Variants in ROBO2 observed in about 807,000 individuals in gnomAD.
The protein encoded by ROBO2 is roundabout guidance receptor 2, also known as roundabout homolog 2.
In ROBO2, 53 loss-of-function variants were observed where a neutral mutation model predicts 160.8. The ratio of observed to expected loss-of-function variants is 0.33; its 90% CI spans 0.26 to 0.41. The LOEUF (loss-of-function observed/expected upper bound fraction) is 0.41, where lower values mean the gene tolerates loss of function less well. Among genes scored for constraint, ROBO2 ranks in the 10% least tolerant of loss-of-function variants. The pLI is 1.00. For missense variants in ROBO2, 1,577 were observed against 1,722.4 expected, an observed-to-expected ratio of 0.92 and a Z score of 1.49; for synonymous variants, 664 against 611.7, an observed-to-expected ratio of 1.09 and a Z score of -1.26.
At chr3:77,139,123 G>A (rs1048041634) in intron 2 of ROBO2, among the ~76,000 whole-genome samples, 1 of 152,072 alleles carries the variant, frequency 6.6e-6, no homozygotes, top group Non-Finnish European at 1.5e-5. Flanking sequence ...AACAAAAACA[G>A]CAATAGAGGA....
chr3:76,078,703 A>G (rs1045609567), intron 2 of ROBO2, among the ~76,000 whole-genome samples: 5 of 151,274 alleles, frequency 3.3e-5, no homozygotes, highest in East Asian at 3.9e-4. Context: ...CAAATTGTTC[A>G]ATATCTTAAC....
At chr3:77,379,017 G>T (rs1214231891) in intron 2 of ROBO2, among the ~76,000 whole-genome samples, 1 of 151,186 alleles carries the variant, frequency 6.6e-6, no homozygotes, top group African/African-American at 2.4e-5. Flanking sequence ...GCGTGATCTC[G>T]GCTCGCTGCA....
chr3:77,401,122 G>T (rs1196873993), intron 2 of ROBO2, among the ~76,000 whole-genome samples: 1 of 152,052 alleles, frequency 6.6e-6, no homozygotes, highest in African/African-American at 2.4e-5. Flanking sequence ...AATCTGTCAA[G>T]AAATGTCATG....
chr3:77,416,500 C>CG (rs2077233109), intron 2 of ROBO2, among the ~76,000 whole-genome samples: 14 of 151,950 alleles, frequency 9.2e-5, no homozygotes, highest in Admixed American at 8.5e-4. Context: ...GGGTGGATCA[C>CG]AGGGTCATGA....
At chr3:77,123,824 C>G (rs965400231) in intron 2 of ROBO2, among the ~76,000 whole-genome samples, 2 of 148,068 alleles carry the variant, frequency 1.4e-5, no homozygotes, top group Non-Finnish European at 3.0e-5. Flanking sequence ...ATACACATAT[C>G]TATATACATA....
At chr3:77,430,465 T>G in intron 2 of ROBO2, among the ~76,000 whole-genome samples, 1 of 152,082 alleles carries the variant, frequency 6.6e-6, no homozygotes, top group East Asian at 1.9e-4. Flanking sequence ...TTAAAAATTT[T>G]ATTGATAGGA....
intron 2 of ROBO2, among the ~76,000 whole-genome samples, chr3:76,048,554 A>G (rs1175480227): frequency 2.0e-5 from 3 of 152,240 alleles, no homozygotes; most frequent in Non-Finnish European, 4.4e-5. Context: ...GATAATTTAT[A>G]CATGGGAATA....
chr3:77,445,187 G>A (rs1582000930), intron 2 of ROBO2, among the ~76,000 whole-genome samples: 1 of 152,066 alleles, frequency 6.6e-6, no homozygotes, highest in Non-Finnish European at 1.5e-5. Context: ...TGGGCACCTG[G>A]CCCACAGCAT....
chr3:77,181,168 A>T (rs915171355), intron 2 of ROBO2, among the ~76,000 whole-genome samples: 1 of 152,080 alleles, frequency 6.6e-6, no homozygotes, highest in Non-Finnish European at 1.5e-5. Flanking sequence ...GAAAATGCCC[A>T]AGGTAGACTG....
intron 5 of ROBO2, among the ~76,000 whole-genome samples, chr3:77,516,964 G>A (rs1180180533): frequency 6.6e-6 from 1 of 151,510 alleles, no homozygotes; most frequent in African/African-American, 2.4e-5. Flanking sequence ...CAATATCTCA[G>A]GCACTGTTTG....
intron 4 of ROBO2, among the ~76,000 whole-genome samples, chr3:77,491,380 T>C (rs963148958): frequency 6.6e-6 from 1 of 152,106 alleles, no homozygotes; most frequent in African/African-American, 2.4e-5. Context: ...TAACATTGGG[T>C]TAATGTAGTT....
At position 76,613,673 on chromosome 3, in the gene ROBO2, G is replaced by T. The variant is rs879466551; in HGVS notation, c.110-484341G>T. Among the ~76,000 whole-genome samples the T allele has an allele frequency of 2.3e-4, 35 of 151,988 alleles. 1 individual carries two copies. The highest frequency in any genetic ancestry group is 2.3e-3 in the Admixed American group (35 of 15,242). ...AGTTAGAGTACAATATGTATTTGTAGAAAGGAGAGGGGCGTGAGTTAAAGA... is the reference window on the plus strand; with the variant it reads ...AGTTAGAGTACAATATGTATTTGTATAAAGGAGAGGGGCGTGAGTTAAAGA... On this transcript the variant is annotated intron_variant, in intron 2 of 26. Transcript: ENST00000487694.
chr3:76,211,710 G>A (rs772042748), intron 2 of ROBO2, among the ~76,000 whole-genome samples: 7 of 151,988 alleles, frequency 4.6e-5, no homozygotes, highest in Admixed American at 1.3e-4. Context: ...TTCCTGAAGT[G>A]TATACATTTT....
intron 15 of ROBO2, among the ~76,000 whole-genome samples, chr3:77,577,918 A>G (rs2093810763): frequency 6.6e-6 from 1 of 152,102 alleles, no homozygotes; most frequent in Admixed American, 6.6e-5. Context: ...TGTGAAGCCT[A>G]GAAAATGGAT....
At chr3:77,252,831 AATATAT>A (rs1553872376) in intron 2 of ROBO2, among the ~76,000 whole-genome samples, 47 of 12,514 alleles carry the variant, frequency 3.8e-3, no homozygotes, top group African/African-American at 6.2e-3. Flanking sequence ...AAAAAAAAAA[AATATAT>A]ATATATATAT....
At chr3:76,537,574 G>A (rs2082579368) in intron 2 of ROBO2, among the ~76,000 whole-genome samples, 1 of 152,092 alleles carries the variant, frequency 6.6e-6, no homozygotes, top group South Asian at 2.1e-4. Flanking sequence ...CCTTGGGCTG[G>A]TCTGAGGACC....
chr3:76,751,700 A>T (rs2060661516), intron 2 of ROBO2, among the ~76,000 whole-genome samples: 1 of 152,210 alleles, frequency 6.6e-6, no homozygotes, highest in Admixed American at 6.6e-5. Context: ...AATGCTCATC[A>T]TCACTGGCCA....
intron 2 of ROBO2, among the ~76,000 whole-genome samples, chr3:76,560,969 T>C (rs1444281844): frequency 7.2e-6 from 1 of 139,380 alleles, no homozygotes; most frequent in Non-Finnish European, 1.6e-5. Context: ...TATATATATA[T>C]ATGAGTATAT....
chr3:76,795,419 T>TTGC (rs2063624475), intron 2 of ROBO2, among the ~76,000 whole-genome samples: 1 of 152,176 alleles, frequency 6.6e-6, no homozygotes, highest in Non-Finnish European at 1.5e-5. Flanking sequence ...TTTGGTCAAC[T>TTGC]AATTTTATGT....
Sources: gnomAD v4.1 joint callset for allele counts (sites outside exome capture counted in the v4.1 genomes callset) on GRCh38, gnomAD v4.1.1 for gene constraint, MANE v1.5 for transcripts, NCBI Gene and HGNC (gene_info 2026-07-23, HGNC 2026-07-21) for gene names.